Variants in DGKI observed in about 807,000 individuals in gnomAD.
The protein encoded by DGKI is diacylglycerol kinase iota.
In DGKI, 55 loss-of-function variants were observed where a neutral mutation model predicts 147.5. The ratio of observed to expected loss-of-function variants is 0.37; its 90% CI spans 0.30 to 0.47. The LOEUF (loss-of-function observed/expected upper bound fraction) is 0.47. Ranked by LOEUF, DGKI falls within the 20% of genes least tolerant of loss-of-function variation. The pLI is 1.00. For synonymous variants in DGKI, 469 were observed against 477.1 expected (o/e 0.98, Z 0.22); for missense variants, 1,007 against 1,323.8 (o/e 0.76, Z 3.71).
intron 27 of DGKI, among the ~76,000 whole-genome samples, chr7:137,454,008 G>A (rs1037872535): frequency 2.0e-5 from 3 of 151,706 alleles, no homozygotes; most frequent in Non-Finnish European, 2.9e-5. Flanking sequence ...GGAGATATTG[G>A]TCAAAGGACG....
At chr7:137,621,072 A>G (rs1421540760) in intron 7 of DGKI, among the ~76,000 whole-genome samples, 3 of 152,200 alleles carry the variant, frequency 2.0e-5, no homozygotes, top group Non-Finnish European at 4.4e-5. Context: ...ACATAACATT[A>G]GAGAGGTTTT....
At chr7:137,724,640 C>A (rs1794669519) in intron 1 of DGKI, among the ~76,000 whole-genome samples, 1 of 152,164 alleles carries the variant, frequency 6.6e-6, no homozygotes, top group East Asian at 1.9e-4. Flanking sequence ...AATGGTGGTA[C>A]ATTTACTGAG....
rs1202260365 is a variant in DGKI at position 137,846,935 on chromosome 7, C to G, written c.-73G>C. On this transcript the variant is annotated 5_prime_UTR_variant, in exon 1 of 33. Transcript: ENST00000614521. The surrounding 1 kb of genome is among the most constrained non-coding windows in gnomAD (Gnocchi z 4.0). ...CCCGCCCCGGCCAATCAGAGGCCGC[C>G]GCTCCCCGCCTCCCGCGCCCTCCCG... is the stretch of plus-strand genomic sequence containing the variant. The G allele has an allele frequency of 9.7e-6, 10 of 1,026,150 alleles. No individual in the cohort carries two copies. Among genetic ancestry groups the G allele is most frequent in the Non-Finnish European group, 8.2e-6 (7 of 849,536 alleles). 63.6% of individuals were successfully genotyped at this position (1,026,150 alleles called of 1,614,324 possible). A position where few individuals can be genotyped will look rare whatever the true frequency, so the allele number is the denominator to read the frequency against.
Position 137,463,497 on chromosome 7 carries a change from G to A in DGKI, c.2727C>T (p.Arg909=), listed in dbSNP as rs148047038. Residue 909 remains arginine, a synonymous_variant, in exon 27 of 33, where the codon CGC becomes CGT. Transcript: ENST00000614521. ...DSDLKDLSHS[R]VLQSPVSSED... ...AGCAAGAGAACTCTTACTGTAGCAC[G>A]CGGGAGTGGCTGAGATCTTTCAGAT... 148 of 1,613,914 alleles carry A rather than the reference G, an allele frequency of 9.2e-5. No individual in the cohort carries two copies. The highest frequency in any genetic ancestry group is 1.2e-4 in the Non-Finnish European group (139 of 1,180,032).
At chr7:137,429,797 G>T (rs1228833550) in intron 28 of DGKI, among the ~76,000 whole-genome samples, 3 of 131,016 alleles carry the variant, frequency 2.3e-5, no homozygotes, top group Non-Finnish European at 4.8e-5. Context: ...AAAAACACAT[G>T]AAAAAATGCT....
At chr7:137,547,415 G>A (rs191536414) in intron 20 of DGKI, among the ~76,000 whole-genome samples, 84 of 152,272 alleles carry the variant, frequency 5.5e-4, no homozygotes, top group African/African-American at 2.0e-3. Context: ...GCATCATGAA[G>A]CCCTATTAGT....
intron 5 of DGKI, among the ~76,000 whole-genome samples, chr7:137,652,140 G>T (rs891153548): frequency 1.3e-5 from 2 of 152,054 alleles, no homozygotes; most frequent in Non-Finnish European, 2.9e-5. Context: ...TTTAAAGATA[G>T]AAATTATTAG....
intron 1 of DGKI, among the ~76,000 whole-genome samples, chr7:137,780,164 G>A (rs918942651): frequency 1.1e-4 from 17 of 152,168 alleles, no homozygotes; most frequent in African/African-American, 3.4e-4. Flanking sequence ...AAGTGGCATG[G>A]TTGACAAGAA....
At chr7:137,413,883 A>T (rs1354350019) in intron 28 of DGKI, among the ~76,000 whole-genome samples, 1 of 152,196 alleles carries the variant, frequency 6.6e-6, no homozygotes, top group Non-Finnish European at 1.5e-5. Flanking sequence ...TGGCTAAACT[A>T]ATTTAAATTT....
At chr7:137,698,955 T>G (rs1319781553) in intron 1 of DGKI, among the ~76,000 whole-genome samples, 1 of 152,186 alleles carries the variant, frequency 6.6e-6, no homozygotes, top group Non-Finnish European at 1.5e-5. Flanking sequence ...ATGGACTAAA[T>G]GCTGTCCATG....
At chr7:137,521,143 C>T (rs2128952194) in intron 21 of DGKI, among the ~76,000 whole-genome samples, 1 of 152,144 alleles carries the variant, frequency 6.6e-6, no homozygotes, top group South Asian at 2.1e-4. Context: ...GTCTTAACTT[C>T]TGGCTTATTT....
chr7:137,425,828 GC>G (rs1812778871), intron 28 of DGKI, among the ~76,000 whole-genome samples: 1 of 152,118 alleles, frequency 6.6e-6, no homozygotes, highest in African/African-American at 2.4e-5. Flanking sequence ...ATGAAATGAA[GC>G]GAGAAGGGAA....
intron 20 of DGKI, among the ~76,000 whole-genome samples, chr7:137,538,347 T>G (rs1817584473): frequency 6.6e-6 from 1 of 152,350 alleles, no homozygotes; most frequent in South Asian, 2.1e-4. Flanking sequence ...CAATTTACTT[T>G]CATCCTTACC....
chr7:137,569,656 G>A (rs904467114), intron 19 of DGKI, among the ~76,000 whole-genome samples: 1 of 143,178 alleles, frequency 7.0e-6, no homozygotes, highest in African/African-American at 2.6e-5. Context: ...GTGAACCCAG[G>A]AGGTAGAGCT....
intron 1 of DGKI, among the ~76,000 whole-genome samples, chr7:137,830,874 G>A (rs1046104076): frequency 1.3e-5 from 2 of 152,172 alleles, no homozygotes; most frequent in Non-Finnish European, 2.9e-5. Flanking sequence ...TTAGAACTGA[G>A]TCTGAATCCA....
At chr7:137,529,854 A>G (rs1451439841) in intron 20 of DGKI, among the ~76,000 whole-genome samples, 2 of 152,102 alleles carry the variant, frequency 1.3e-5, no homozygotes, top group Non-Finnish European at 2.9e-5. Context: ...GGTTCAAGCA[A>G]TTGTCCTGCC....
At chr7:137,829,402 T>G (rs554465204) in intron 1 of DGKI, among the ~76,000 whole-genome samples, 2 of 152,352 alleles carry the variant, frequency 1.3e-5, no homozygotes, top group African/African-American at 2.4e-5. Context: ...TCATTCAAGG[T>G]TATCATTCAA....
intron 3 of DGKI, among the ~76,000 whole-genome samples, chr7:137,662,565 A>T (rs1822481285): frequency 6.6e-6 from 1 of 151,968 alleles, no homozygotes; most frequent in Non-Finnish European, 1.5e-5. Flanking sequence ...TTTTATCCTC[A>T]GTATATCACT....
Position 137,466,885 on chromosome 7 carries a change from G to C in DGKI, c.2484+17C>G. ...GGGAATTTTTCACTTTCACAAGCAG[G>C]CTGGAAAAAAACTTACCTGAGATCT... On this transcript the variant is annotated intron_variant, in intron 25 of 32. Coordinates refer to ENST00000614521, the MANE Select transcript of DGKI (RefSeq NM_001321708.2). The C allele has an allele frequency of 6.2e-7, 1 of 1,613,668 alleles. No homozygotes were observed. The highest frequency in any genetic ancestry group is 8.5e-7 in the Non-Finnish European group (1 of 1,179,668).
Sources: gnomAD v4.1 joint callset for allele counts (sites outside exome capture counted in the v4.1 genomes callset) on GRCh38, gnomAD v4.1.1 for gene constraint, Gnocchi (gnomAD v3.1) non-coding constraint, MANE v1.5 for transcripts, NCBI Gene and HGNC (gene_info 2026-07-23, HGNC 2026-07-21) for gene names.